Variants in STX8 observed in about 807,000 individuals in gnomAD.
STX8 encodes the protein syntaxin-8.
Under a neutral mutation model 37.5 loss-of-function variants are expected in STX8, and 23 were observed. That is an observed-to-expected ratio of 0.61 (90% CI 0.44 to 0.87). STX8 has a LOEUF of 0.87. STX8 is among the 40% of genes least tolerant of loss of function. The probability of loss-of-function intolerance (pLI) is 0.00; values close to 1 mark genes in which losing one functional copy is unlikely to be tolerated. For missense variants in STX8, 313 were observed against 284.7 expected (o/e 1.10, Z -0.71); for synonymous variants, 115 against 99.1 (o/e 1.16, Z -0.95).
intron 7 of STX8, among the ~76,000 whole-genome samples, chr17:9,333,657 C>A (rs112798317): frequency 1.3e-5 from 2 of 152,130 alleles, no homozygotes; most frequent in African/African-American, 2.4e-5. Context: ...CCAAAGTGCT[C>A]GGATTACAGG....
At chr17:9,493,055 G>A (rs1332569870) in intron 5 of STX8, among the ~76,000 whole-genome samples, 2 of 150,666 alleles carry the variant, frequency 1.3e-5, no homozygotes, top group African/African-American at 4.9e-5. Flanking sequence ...CTGAGATTGC[G>A]CCAATGCACT....
chr17:9,356,363 A>G (rs1910880903), intron 7 of STX8, among the ~76,000 whole-genome samples: 1 of 152,336 alleles, frequency 6.6e-6, no homozygotes, highest in African/African-American at 2.4e-5. Context: ...AGAACCCAAT[A>G]ATTCTGAAAG....
chr17:9,468,789 A>T (rs1905722522), intron 6 of STX8, among the ~76,000 whole-genome samples: 1 of 152,106 alleles, frequency 6.6e-6, no homozygotes. Flanking sequence ...CAGCAATGTG[A>T]ATTCAACGTG....
chr17:9,421,016 A>G (rs1412069717), intron 6 of STX8, among the ~76,000 whole-genome samples: 1 of 152,168 alleles, frequency 6.6e-6, no homozygotes, highest in African/African-American at 2.4e-5. Flanking sequence ...GACTATTGCA[A>G]TAACCTCCAA....
Position 9,527,486 on chromosome 17 carries a change from G to A in STX8, c.323+17686C>T, listed in dbSNP as rs563876504. Among the ~76,000 whole-genome samples the A allele has an allele frequency of 2.0e-5, 3 of 152,216 alleles. 1 individual carries two copies. The highest frequency in any genetic ancestry group is 4.8e-5 in the African/African-American group (2 of 41,522). On this transcript the variant is annotated intron_variant, in intron 4 of 7. Transcript: ENST00000306357. The stretch of plus-strand genomic sequence containing the variant: ...AATTAACATAATGAACTAAAATACA[G>A]CGTGATTAGGTAATTCTACTTTCTT...
intron 7 of STX8, among the ~76,000 whole-genome samples, chr17:9,366,132 C>A (rs923044066): frequency 6.6e-6 from 1 of 152,246 alleles, no homozygotes; most frequent in Admixed American, 6.5e-5. Context: ...CCCAGCCAGA[C>A]AGGCTATGTC....
intron 7 of STX8, among the ~76,000 whole-genome samples, chr17:9,311,327 C>T (rs1909181735): frequency 6.6e-6 from 1 of 151,480 alleles, no homozygotes; most frequent in Non-Finnish European, 1.5e-5. Flanking sequence ...TATGTATCTG[C>T]AATGGAATGA....
intron 7 of STX8, among the ~76,000 whole-genome samples, chr17:9,279,038 A>G (rs2142149319): frequency 6.7e-6 from 1 of 150,246 alleles, no homozygotes; most frequent in South Asian, 2.1e-4. Flanking sequence ...TATTGTCATT[A>G]TTATTCTGTG....
intron 7 of STX8, among the ~76,000 whole-genome samples, chr17:9,316,257 C>A (rs1231257735): frequency 6.6e-6 from 1 of 151,996 alleles, no homozygotes; most frequent in Non-Finnish European, 1.5e-5. Flanking sequence ...GCAGCTGATC[C>A]TAAAACCTTT....
chr17:9,370,963 A>G (rs2142272668), intron 7 of STX8, among the ~76,000 whole-genome samples: 1 of 152,004 alleles, frequency 6.6e-6, no homozygotes, highest in South Asian at 2.1e-4. Context: ...TGATGCTATC[A>G]TTGGGGTGGG....
intron 7 of STX8, among the ~76,000 whole-genome samples, chr17:9,318,616 C>A (rs903672303): frequency 6.6e-6 from 1 of 151,990 alleles, no homozygotes; most frequent in Non-Finnish European, 1.5e-5. Context: ...AGGTCACAAA[C>A]AAATTGGACT....
At chr17:9,250,964 C>T (rs561942504) in intron 7 of STX8, among the ~76,000 whole-genome samples, 6 of 152,208 alleles carry the variant, frequency 3.9e-5, no homozygotes, top group East Asian at 3.9e-4. Context: ...AAGCTGCTGA[C>T]GACAGCCACC....
intron 7 of STX8, among the ~76,000 whole-genome samples, chr17:9,288,096 AAG>A (rs1491372542): frequency 9.3e-5 from 1 of 10,718 alleles, no homozygotes; most frequent in Non-Finnish European, 1.9e-4. Flanking sequence ...GACATTTGAC[AAG>A]GGGGGGGGGG....
chr17:9,553,729 T>C (rs1306433210), intron 3 of STX8: 1 of 152,204 alleles, frequency 6.6e-6, no homozygotes, highest in East Asian at 1.9e-4. Flanking sequence ...TGAAGATTTG[T>C]ATTATAAACA....
At chr17:9,534,020 CCAGAGT>C (rs1905924955) in intron 4 of STX8, among the ~76,000 whole-genome samples, 1 of 151,978 alleles carries the variant, frequency 6.6e-6, no homozygotes, top group African/African-American at 2.4e-5. Context: ...CTATTTTGAG[CCAGAGT>C]CAATTAGGCA....
At chr17:9,330,934 G>A (rs1354211679) in intron 7 of STX8, among the ~76,000 whole-genome samples, 2 of 152,210 alleles carry the variant, frequency 1.3e-5, no homozygotes, top group Non-Finnish European at 2.9e-5. Context: ...ATCCAGGCAC[G>A]AATAACTAGC....
chr17:9,427,906 C>T (rs1408543026), intron 6 of STX8, among the ~76,000 whole-genome samples: 3 of 152,154 alleles, frequency 2.0e-5, no homozygotes, highest in Admixed American at 6.5e-5. Flanking sequence ...AACTCTACTC[C>T]GGCAATTCCT....
intron 6 of STX8, among the ~76,000 whole-genome samples, chr17:9,415,407 C>T (rs1352115460): frequency 6.6e-6 from 1 of 152,074 alleles, no homozygotes; most frequent in Admixed American, 6.6e-5. Flanking sequence ...AAATAAGGTC[C>T]TAGAACCTGG....
intron 6 of STX8, among the ~76,000 whole-genome samples, chr17:9,398,233 G>A (rs1020948920): frequency 2.6e-5 from 4 of 152,174 alleles, no homozygotes; most frequent in African/African-American, 9.7e-5. Context: ...GGTGATCGAG[G>A]TCAACATTAG....
Sources: gnomAD v4.1 joint callset for allele counts (sites outside exome capture counted in the v4.1 genomes callset) on GRCh38, gnomAD v4.1.1 for gene constraint, MANE v1.5 for transcripts, NCBI Gene and HGNC (gene_info 2026-07-23, HGNC 2026-07-21) for gene names.